Variants in RANBP2 observed in about 807,000 individuals in gnomAD.
RANBP2 encodes the protein E3 SUMO-protein ligase RanBP2.
A neutral mutation model predicts 303.6 loss-of-function variants in RANBP2; 57 were observed. The ratio of observed to expected loss-of-function variants is 0.19; its 90% confidence interval spans 0.15 to 0.23. RANBP2 has a LOEUF of 0.23. Among genes scored for constraint, RANBP2 ranks in the 10% least tolerant of loss-of-function variants. The pLI is 1.00. For missense variants in RANBP2, 3,138 were observed against 3,780.8 expected, an observed-to-expected ratio of 0.83 and a Z score of 4.46; for synonymous variants, 1,167 against 1,301.5, an observed-to-expected ratio of 0.90 and a Z score of 2.23.
At chr2:108,866,023 G>C in the RANBP2 span, among the ~76,000 whole-genome samples, 1 of 152,160 alleles carries the variant, frequency 6.6e-6, no homozygotes, top group East Asian at 1.9e-4. Flanking sequence ...CTGTCTTATG[G>C]AGCTGTGCAA....
chr2:109,519,077 C>T, the RANBP2 span, among the ~76,000 whole-genome samples: 1 of 151,968 alleles, frequency 6.6e-6, no homozygotes, highest in African/African-American at 2.4e-5. Flanking sequence ...CGCCACCATG[C>T]CTGGCTAATT....
the RANBP2 span, among the ~76,000 whole-genome samples, chr2:109,367,348 C>A: frequency 1.3e-5 from 2 of 152,072 alleles, no homozygotes; most frequent in Non-Finnish European, 2.9e-5. Flanking sequence ...GTGGTACAAT[C>A]TCAGCTTACT....
the RANBP2 span, among the ~76,000 whole-genome samples, chr2:109,110,466 C>A: frequency 1.3e-5 from 2 of 152,244 alleles, no homozygotes; most frequent in East Asian, 1.9e-4. Context: ...GGAATATTTG[C>A]GAGCTCCCTT....
At chr2:109,111,820 C>A in the RANBP2 span, among the ~76,000 whole-genome samples, 2 of 137,314 alleles carry the variant, frequency 1.5e-5, no homozygotes, top group South Asian at 2.5e-4. Context: ...GTGTGATGTT[C>A]CCCTTCCTGT....
At chr2:109,001,646 G>C in the RANBP2 span, among the ~76,000 whole-genome samples, 16 of 152,232 alleles carry the variant, frequency 1.1e-4, no homozygotes, top group African/African-American at 3.9e-4. Context: ...GAGACACACA[G>C]AATTGGCCCT....
At chr2:108,768,937 G>A (rs2149287715) in intron 20 of RANBP2, among the ~76,000 whole-genome samples, 1 of 152,156 alleles carries the variant, frequency 6.6e-6, no homozygotes, top group East Asian at 1.9e-4. Context: ...AGGAGGCTGA[G>A]GCAGGAGGAT....
chr2:109,032,936 G>C, the RANBP2 span, among the ~76,000 whole-genome samples: 5 of 152,330 alleles, frequency 3.3e-5, no homozygotes, highest in South Asian at 2.1e-4. Flanking sequence ...ATTTTCCCTG[G>C]ATTTTCAAAG....
At chr2:109,744,466 T>C in the RANBP2 span, among the ~76,000 whole-genome samples, 1 of 93,498 alleles carries the variant, frequency 1.1e-5, no homozygotes, top group Non-Finnish European at 2.8e-5. Context: ...TTACATTCCT[T>C]ATAGATTCTG....
chr2:108,998,694 C>G, the RANBP2 span, among the ~76,000 whole-genome samples: 1 of 152,204 alleles, frequency 6.6e-6, no homozygotes, highest in Non-Finnish European at 1.5e-5. Context: ...TGGCCCCTGC[C>G]AAGTGTTCCT....
the RANBP2 span, among the ~76,000 whole-genome samples, chr2:109,210,867 T>A: frequency 1.3e-5 from 2 of 152,186 alleles, no homozygotes; most frequent in Non-Finnish European, 1.5e-5. Flanking sequence ...AGGTGAGAAA[T>A]CTTTATTTTA....
chr2:109,140,401 G>A, the RANBP2 span, among the ~76,000 whole-genome samples: 2 of 149,530 alleles, frequency 1.3e-5, no homozygotes. Flanking sequence ...TTTTTTTAGA[G>A]ACGGAGTCTT....
chr2:109,326,246 T>C, the RANBP2 span, among the ~76,000 whole-genome samples: 1 of 152,278 alleles, frequency 6.6e-6, no homozygotes, highest in Non-Finnish European at 1.5e-5. Context: ...GCTGTGTTGA[T>C]GTACATAGAT....
the RANBP2 span, among the ~76,000 whole-genome samples, chr2:109,107,014 T>C: frequency 6.7e-6 from 1 of 149,056 alleles, no homozygotes; most frequent in Non-Finnish European, 1.5e-5. Flanking sequence ...CTCGGCTCAC[T>C]GCAACCTCTG....
the RANBP2 span, among the ~76,000 whole-genome samples, chr2:108,922,656 C>G: frequency 6.6e-6 from 1 of 152,224 alleles, no homozygotes; most frequent in Non-Finnish European, 1.5e-5. Context: ...AGGGTCAGCT[C>G]CTCCTCCACC....
chr2:109,256,150 C>T, the RANBP2 span, among the ~76,000 whole-genome samples: 48,748 of 152,102 alleles, frequency 0.32, 8,587 homozygotes, highest in Non-Finnish European at 0.4. Context: ...GCCGCTGTGA[C>T]CCAGCACCTG....
chr2:108,982,978 G>C, the RANBP2 span, among the ~76,000 whole-genome samples: 1 of 152,170 alleles, frequency 6.6e-6, no homozygotes, highest in Non-Finnish European at 1.5e-5. Context: ...TTCAAAAAGA[G>C]TTCTGCTGAA....
chr2:108,752,384 A>G (rs1227277912), intron 12 of RANBP2, among the ~76,000 whole-genome samples: 1 of 151,912 alleles, frequency 6.6e-6, no homozygotes, highest in Non-Finnish European at 1.5e-5. Context: ...AACTGACACT[A>G]CAGAAGAGGC....
the RANBP2 span, among the ~76,000 whole-genome samples, chr2:109,577,081 G>A: frequency 6.6e-6 from 1 of 151,888 alleles, no homozygotes; most frequent in South Asian, 2.1e-4. Context: ...AAAAGCATTA[G>A]AGGAAAAAAA....
the RANBP2 span, among the ~76,000 whole-genome samples, chr2:109,423,168 G>A: frequency 2.6e-5 from 4 of 152,102 alleles, no homozygotes; most frequent in Non-Finnish European, 5.9e-5. Flanking sequence ...GTCCTATCCA[G>A]GAGCCCAGAG....
Sources: allele counts gnomAD v4.1 joint callset (sites outside exome capture counted in the v4.1 genomes callset), GRCh38; gene constraint gnomAD v4.1.1; transcripts MANE v1.5; gene names NCBI Gene and HGNC (gene_info 2026-07-23, HGNC 2026-07-21).